NUP210L: variants seen among roughly 807,000 people sequenced by gnomAD.
The protein encoded by NUP210L is nuclear pore membrane glycoprotein 210-like.
A neutral mutation model predicts 208.5 loss-of-function variants in NUP210L; 74 were observed. The ratio of observed to expected loss-of-function variants is 0.35; its 90% confidence interval spans 0.29 to 0.43. The LOEUF (loss-of-function observed/expected upper bound fraction) is 0.43, where lower values mean the gene tolerates loss of function less well. Ranked by LOEUF, NUP210L falls within the 20% of genes least tolerant of loss-of-function variation. The pLI, the probability that NUP210L is intolerant of heterozygous loss-of-function variation, is 1.00. For synonymous variants in NUP210L, 780 were observed against 816.9 expected (o/e 0.95, Z 0.77); for missense variants, 1,843 against 2,289.4 (o/e 0.81, Z 3.98).
intron 16 of NUP210L, among the ~76,000 whole-genome samples, chr1:154,074,804 A>C (rs1654952633): frequency 2.0e-5 from 3 of 152,154 alleles, no homozygotes; most frequent in African/African-American, 2.4e-5. Context: ...CATGAATTTT[A>C]AGTTGATATT....
At position 154,069,780 on chromosome 1, in the gene NUP210L, A is replaced by G. The variant is rs371857563; in HGVS notation, c.2554+493T>C. Among the ~76,000 whole-genome samples the G allele has an allele frequency of 1.8e-4, 27 of 152,378 alleles. No individual in the cohort carries two copies. The East Asian group carries it at 4.8e-3, about 27-fold the overall frequency. The stretch of plus-strand genomic sequence containing the variant: ...TGTTTATTGCAGCACTATTCACAAT[A>G]GCAAAGACCTAGAACCAACCAAAAT... On this transcript the variant is annotated intron_variant, in intron 17 of 39. Coordinates refer to ENST00000368559, the Ensembl canonical transcript of NUP210L.
intron 35 of NUP210L, among the ~76,000 whole-genome samples, chr1:154,004,858 T>TC (rs1557907151): frequency 1.4e-5 from 2 of 145,076 alleles, no homozygotes; most frequent in Middle Eastern, 3.3e-3. Context: ...TTCTTTCTTT[T>TC]TTTTTTTTTT....
intron 2 of NUP210L, 104 bp from the exon 3 acceptor site, chr1:154,143,681 C>A: frequency 1.0e-6 from 1 of 964,074 alleles, no homozygotes. Context: ...AAAAGAAAGA[C>A]TATGACTGCT....
rs1459003972 is a variant in NUP210L, at chr1:154,092,556, T to C, written c.2187+2379A>G. Among the ~76,000 whole-genome samples, 4 of 151,036 alleles carry C rather than the reference T, an allele frequency of 2.6e-5. No homozygotes were observed. The East Asian group carries it at 7.8e-4, about 29-fold the overall frequency. ...GGCTAGTTTTTTGTTTTTTGTTTTT[T>C]TTTTTTTTTTAGCAGAGATGGGGTT... On this transcript the variant is annotated intron_variant, in intron 15 of 39. Transcript: ENST00000368559.
intron 38 of NUP210L, 35 bp downstream of exon 38, chr1:153,995,041 G>T: frequency 6.9e-5 from 82 of 1,195,528 alleles, no homozygotes; most frequent in Non-Finnish European, 8.7e-5. Flanking sequence ...CAGTTTTCAT[G>T]TCAAAGTCTA....
At chr1:154,002,358 G>T (rs1557905423) in intron 35 of NUP210L, among the ~76,000 whole-genome samples, 1 of 152,062 alleles carries the variant, frequency 6.6e-6, no homozygotes, top group Non-Finnish European at 1.5e-5. Flanking sequence ...GGGATTACAG[G>T]CATGAGCCAC....
At chr1:154,050,045 G>A (rs778032009) in intron 25 of NUP210L, among the ~76,000 whole-genome samples, 38 of 152,004 alleles carry the variant, frequency 2.5e-4, no homozygotes, top group Non-Finnish European at 4.6e-4. Context: ...GCCCCCACTC[G>A]AGAAATATTA....
At chr1:154,111,942 T>TTG (rs1464656690) in intron 12 of NUP210L, among the ~76,000 whole-genome samples, 1 of 151,552 alleles carries the variant, frequency 6.6e-6, no homozygotes, top group African/African-American at 2.4e-5. Flanking sequence ...TTGTTTTGTT[T>TTG]TTTCAGATGG....
chr1:154,118,121 C>T (rs2148098137), intron 11 of NUP210L, among the ~76,000 whole-genome samples: 1 of 152,124 alleles, frequency 6.6e-6, no homozygotes, highest in South Asian at 2.1e-4. Flanking sequence ...ACCAGCCTGG[C>T]CAACATGGTG....
chr1:154,070,949 A>C (rs1234909030), intron 16 of NUP210L, among the ~76,000 whole-genome samples: 1 of 152,212 alleles, frequency 6.6e-6, no homozygotes, highest in Non-Finnish European at 1.5e-5. Context: ...AAGTTAATCA[A>C]GGTGTATGTA....
chr1:154,072,437 A>G (rs1003260544), intron 16 of NUP210L, among the ~76,000 whole-genome samples: 1 of 139,366 alleles, frequency 7.2e-6, no homozygotes, highest in East Asian at 2.2e-4. Context: ...GGTTCATGCC[A>G]TTCTCCTGCT....
intron 31 of NUP210L, among the ~76,000 whole-genome samples, chr1:154,022,711 T>C (rs1651637080): frequency 6.7e-6 from 1 of 149,918 alleles, no homozygotes; most frequent in African/African-American, 2.5e-5. Context: ...ACAGTCTTAA[T>C]TGGTCACCCA....
At chr1:154,041,612 C>A (rs1652881284) in intron 27 of NUP210L, among the ~76,000 whole-genome samples, 1 of 151,294 alleles carries the variant, frequency 6.6e-6, no homozygotes, top group South Asian at 2.1e-4. Flanking sequence ...CTGCGCCCAG[C>A]CCACACAGAA....
chr1:154,055,896 T>C (rs1192952328), intron 23 of NUP210L, among the ~76,000 whole-genome samples: 4 of 152,136 alleles, frequency 2.6e-5, no homozygotes, highest in Non-Finnish European at 5.9e-5. Flanking sequence ...TGAACACATA[T>C]AAAAGTAGAA....
chr1:154,054,701 T>G, intron 24 of NUP210L, 69 bp downstream of exon 24: 1 of 1,071,616 alleles, frequency 9.3e-7, no homozygotes, highest in Admixed American at 1.7e-5. Flanking sequence ...AAGAGAGGTG[T>G]GTGTGTGTGA....
intron 33 of NUP210L, 137 bp downstream of exon 33, chr1:154,018,785 AGCTTTGTGTTC>A: frequency 1.2e-6 from 1 of 820,736 alleles, no homozygotes; most frequent in Non-Finnish European, 1.9e-6. Flanking sequence ...AACACTGTTT[AGCTTTGTGTTC>A]CAGTAAAGTT....
chr1:154,135,452 C>T (rs1205269159), intron 7 of NUP210L, among the ~76,000 whole-genome samples: 6 of 150,520 alleles, frequency 4.0e-5, no homozygotes, highest in African/African-American at 7.3e-5. Context: ...GACGGAGTCT[C>T]GCTGTGCCGC....
chr1:154,085,319 C>T (rs1655569502), intron 16 of NUP210L, among the ~76,000 whole-genome samples: 1 of 150,514 alleles, frequency 6.6e-6, no homozygotes, highest in Non-Finnish European at 1.5e-5. Context: ...CACTGCACTC[C>T]AGCCTCAGCG....
At chr1:154,021,990 CTCCCAAAGGGCTG>C in intron 32 of NUP210L, 123 bp downstream of exon 32, 1 of 763,050 alleles carries the variant, frequency 1.3e-6, no homozygotes, top group Non-Finnish European at 2.1e-6. Context: ...CCAGCTTGGC[CTCCCAAAGGGCTG>C]AGATTATGGG....
Sources: gnomAD v4.1 joint callset for allele counts (sites outside exome capture counted in the v4.1 genomes callset) on GRCh38, gnomAD v4.1.1 for gene constraint, MANE v1.5 for transcripts, NCBI Gene and HGNC (gene_info 2026-07-23, HGNC 2026-07-21) for gene names.